The following FGF12 variants were observed in gnomAD, a reference collection of about 807,000 sequenced individuals.
FGF12 encodes fibroblast growth factor 12B.
In FGF12, 14 loss-of-function variants were observed where a neutral mutation model predicts 23.6. The observed-to-expected ratio is 0.59, with a 90% CI of 0.39 to 0.93. The LOEUF is 0.93. Among genes scored for constraint, FGF12 ranks in the 40% least tolerant of loss-of-function variants. The pLI is 0.00. For synonymous variants in FGF12, 62 were observed against 77.3 expected, an observed-to-expected ratio of 0.80 and a Z score of 1.04; for missense variants, 175 against 217.8, an observed-to-expected ratio of 0.80 and a Z score of 1.24.
chr3:192,725,016 T>C (rs537035699), intron 2 of FGF12, among the ~76,000 whole-genome samples: 14 of 152,276 alleles, frequency 9.2e-5, no homozygotes, highest in Admixed American at 3.9e-4. Context: ...TTTGAATCTG[T>C]TGGGGGAAGA....
intron 2 of FGF12, among the ~76,000 whole-genome samples, chr3:192,699,537 T>C (rs751510976): frequency 1.3e-5 from 2 of 152,188 alleles, no homozygotes; most frequent in Non-Finnish European, 2.9e-5. Flanking sequence ...GTTACAAATA[T>C]TGCATAATTT....
intron 4 of FGF12, among the ~76,000 whole-genome samples, chr3:192,256,261 T>C (rs1464973779): frequency 6.6e-6 from 1 of 152,042 alleles, no homozygotes; most frequent in Non-Finnish European, 1.5e-5. Flanking sequence ...AAACTTTCAA[T>C]AATCTGACCA....
intron 2 of FGF12, among the ~76,000 whole-genome samples, chr3:192,450,165 C>A (rs1406429908): frequency 6.6e-6 from 1 of 152,074 alleles, no homozygotes; most frequent in Non-Finnish European, 1.5e-5. Context: ...CCCACTGCAC[C>A]AAGATACCCT....
intron 2 of FGF12, among the ~76,000 whole-genome samples, chr3:192,626,677 A>G (rs1394138193): frequency 6.6e-6 from 1 of 152,154 alleles, no homozygotes; most frequent in Non-Finnish European, 1.5e-5. Context: ...CAGTGGTGCT[A>G]TCATAGCTCC....
intron 2 of FGF12, among the ~76,000 whole-genome samples, chr3:192,703,263 C>T (rs976466309): frequency 3.3e-5 from 5 of 152,094 alleles, no homozygotes; most frequent in African/African-American, 9.7e-5. Flanking sequence ...GCTACTAGTG[C>T]ATAGAAAAGT....
Position 192,727,526 on chromosome 3 carries a change from G to T in FGF12, c.-173C>A. On this transcript the variant is annotated 5_prime_UTR_variant, in exon 1 of 6. Transcript: ENST00000445105. ...AGGCAGGAGCTGTCCTCCGAGCGTG[G>T]TGCTGCAGGTGTAGTGACAGATCAT... is the stretch of plus-strand genomic sequence containing the variant. 2.0e-6 allele frequency: 1 copy of T among 504,298 alleles called. No homozygotes were observed. The highest frequency in any genetic ancestry group is 3.5e-6 in the Non-Finnish European group (1 of 283,506). The allele number at this position is 504,298 out of a possible 1,614,324, so 31.2% of individuals were successfully genotyped here.
intron 2 of FGF12, among the ~76,000 whole-genome samples, chr3:192,608,817 A>C (rs774848018): frequency 6.6e-6 from 1 of 152,172 alleles, no homozygotes; most frequent in Non-Finnish European, 1.5e-5. Flanking sequence ...TTTGATAAGC[A>C]GTAGAGAGAG....
At chr3:192,170,959 T>G (rs951559004) in intron 4 of FGF12, among the ~76,000 whole-genome samples, 1 of 152,216 alleles carries the variant, frequency 6.6e-6, no homozygotes, top group African/African-American at 2.4e-5. Flanking sequence ...TTTTGTAAAC[T>G]AAAGTGATTG....
At chr3:192,429,265 T>G (rs906651578) in intron 2 of FGF12, among the ~76,000 whole-genome samples, 3 of 152,266 alleles carry the variant, frequency 2.0e-5, no homozygotes, top group East Asian at 1.9e-4. Context: ...TAAAGCACAC[T>G]GGCACCACTT....
intron 2 of FGF12, among the ~76,000 whole-genome samples, chr3:192,694,629 C>A (rs1235922958): frequency 1.3e-5 from 2 of 151,466 alleles, no homozygotes; most frequent in African/African-American, 4.8e-5. Context: ...GGGGTATATA[C>A]GTATACGTAC....
chr3:192,496,433 A>C (rs1338278040), intron 2 of FGF12, among the ~76,000 whole-genome samples: 2 of 152,004 alleles, frequency 1.3e-5, no homozygotes, highest in Admixed American at 1.3e-4. Flanking sequence ...ACGCTTTTAC[A>C]CTTGCAATAT....
intron 2 of FGF12, among the ~76,000 whole-genome samples, chr3:192,365,489 G>A (rs1172929815): frequency 6.6e-6 from 1 of 151,960 alleles, no homozygotes; most frequent in Non-Finnish European, 1.5e-5. Flanking sequence ...GACAAATATT[G>A]TACATTAATG....
chr3:192,392,074 T>C (rs912565164), intron 2 of FGF12, among the ~76,000 whole-genome samples: 6 of 152,300 alleles, frequency 3.9e-5, no homozygotes, highest in Admixed American at 1.3e-4. Flanking sequence ...ATTTCACAAG[T>C]TTGAGAAGTG....
chr3:192,661,247 C>T (rs1252255718), intron 2 of FGF12, among the ~76,000 whole-genome samples: 8 of 152,282 alleles, frequency 5.3e-5, no homozygotes, highest in East Asian at 1.9e-4. Context: ...ATAGGCTGGG[C>T]GCTGTGGCTC....
At chr3:192,656,578 G>A (rs1378776428) in intron 2 of FGF12, among the ~76,000 whole-genome samples, 2 of 152,050 alleles carry the variant, frequency 1.3e-5, no homozygotes, top group Non-Finnish European at 2.9e-5. Flanking sequence ...GTGGGTAGAG[G>A]CCAGGGATGC....
chr3:192,444,777 G>GA, intron 2 of FGF12, among the ~76,000 whole-genome samples: 1 of 152,290 alleles, frequency 6.6e-6, no homozygotes, highest in Non-Finnish European at 1.5e-5. Flanking sequence ...ACGTTTAAGA[G>GA]AATTGTATTT....
At chr3:192,216,177 A>G (rs1383562913) in intron 4 of FGF12, among the ~76,000 whole-genome samples, 1 of 152,160 alleles carries the variant, frequency 6.6e-6, no homozygotes, top group Non-Finnish European at 1.5e-5. Flanking sequence ...GAAAAACACC[A>G]TCTCCTCCCA....
At chr3:192,161,172 A>G (rs1438373392) in intron 5 of FGF12, among the ~76,000 whole-genome samples, 10 of 152,174 alleles carry the variant, frequency 6.6e-5, no homozygotes, top group African/African-American at 2.4e-4. Context: ...TTGTCAAGGC[A>G]TGACCCCTAA....
intron 2 of FGF12, chr3:192,533,980 A>G (rs1725161997): frequency 6.6e-6 from 1 of 152,274 alleles, no homozygotes; most frequent in Non-Finnish European, 1.5e-5. Context: ...GTGAATTTTT[A>G]TAAGATGACA....
Sources: allele counts gnomAD v4.1 joint callset (sites outside exome capture counted in the v4.1 genomes callset), GRCh38; gene constraint gnomAD v4.1.1; transcripts MANE v1.5; gene names NCBI Gene and HGNC (gene_info 2026-07-23, HGNC 2026-07-21).